Variants in POU6F2 observed in about 807,000 individuals in gnomAD.
POU6F2 encodes POU class 6 homeobox 2.
In POU6F2, 31 loss-of-function variants were observed where a neutral mutation model predicts 71.3. The ratio of observed to expected loss-of-function variants is 0.43; its 90% confidence interval spans 0.33 to 0.59. The LOEUF is 0.59. POU6F2 is among the 20% of genes least tolerant of loss of function. POU6F2 has a pLI of 0.04. For missense variants in POU6F2, 783 were observed against 856.8 expected (o/e 0.91, Z 1.07); for synonymous variants, 347 against 355.7 (o/e 0.98, Z 0.27).
At position 39,464,679 on chromosome 7, in the gene POU6F2, ACTC is replaced by A. The variant is rs1789028439; in HGVS notation, c.2159_2161del (p.Ser720del). 1.3e-6 allele frequency: 2 copies of A among 1,597,898 alleles called. No individual in the cohort carries two copies. The highest frequency in any genetic ancestry group is 1.1e-5 in the South Asian group (1 of 88,630). On this transcript the variant is annotated inframe_deletion, in exon 10 of 10. Coordinates refer to ENST00000518318, the MANE Select transcript of POU6F2 (RefSeq NM_001370959.1). This position sits in a 1 kb window ranked among gnomAD's most constrained non-coding sequence, Gnocchi z 4.1. ...CCCTTAACAGACTCTCTGGAAGAAA[ACTC>A]CTAAAGAGATGCCCACCCATAATCA...
chr7:39,256,933 T>C (rs1784036031), intron 4 of POU6F2, among the ~76,000 whole-genome samples: 1 of 152,218 alleles, frequency 6.6e-6, no homozygotes, highest in South Asian at 2.1e-4. Context: ...CATGTTTTAC[T>C]TCCAGAAATG....
At chr7:39,032,877 A>T (rs1434693215) in intron 1 of POU6F2, among the ~76,000 whole-genome samples, 6 of 152,166 alleles carry the variant, frequency 3.9e-5, no homozygotes, top group African/African-American at 1.4e-4. Flanking sequence ...TTTTCTCGTG[A>T]CACACATCTT....
intron 2 of POU6F2, among the ~76,000 whole-genome samples, chr7:39,093,121 G>T (rs1791388552): frequency 6.6e-6 from 1 of 151,918 alleles, no homozygotes; most frequent in South Asian, 2.1e-4. Context: ...TATGTAACAA[G>T]AATATATTGT....
intron 4 of POU6F2, among the ~76,000 whole-genome samples, chr7:39,247,409 C>A (rs1033319479): frequency 3.3e-5 from 5 of 151,994 alleles, no homozygotes; most frequent in Non-Finnish European, 7.4e-5. Context: ...CAAGATCTCA[C>A]CTCTGCACTC....
intron 2 of POU6F2, among the ~76,000 whole-genome samples, chr7:39,165,386 C>T (rs1793092529): frequency 6.6e-6 from 1 of 152,140 alleles, no homozygotes; most frequent in South Asian, 2.1e-4. Context: ...TTGTCTAAGA[C>T]AGTGATGCCT....
At chr7:39,101,446 A>ATT (rs34625792) in intron 2 of POU6F2, among the ~76,000 whole-genome samples, 2,109 of 141,724 alleles carry the variant, frequency 0.015, 46 homozygotes, top group African/African-American at 0.047. Context: ...TCTAGGCAAG[A>ATT]TTTTTTTTTT....
chr7:39,281,999 T>C (rs1411527486), intron 4 of POU6F2, among the ~76,000 whole-genome samples: 3 of 152,130 alleles, frequency 2.0e-5, no homozygotes. Flanking sequence ...TGGGGTGAAG[T>C]GGTATCTCAT....
chr7:39,305,433 T>TA (rs1193831400), intron 4 of POU6F2, among the ~76,000 whole-genome samples: 4 of 152,200 alleles, frequency 2.6e-5, no homozygotes, highest in Admixed American at 1.3e-4. Context: ...GTATTTTTTT[T>TA]AAAAAGTCAG....
At chr7:39,300,854 G>T (rs564223512) in intron 4 of POU6F2, among the ~76,000 whole-genome samples, 48 of 117,280 alleles carry the variant, frequency 4.1e-4, no homozygotes, top group Non-Finnish European at 8.0e-5. Flanking sequence ...TATTCTGAGA[G>T]TCCTGGGGGT....
At chr7:39,055,129 G>A (rs1014559693) in intron 1 of POU6F2, among the ~76,000 whole-genome samples, 3 of 152,124 alleles carry the variant, frequency 2.0e-5, no homozygotes, top group Non-Finnish European at 2.9e-5. Context: ...CGAAGTAGAC[G>A]TCAAAGTCAG....
Position 39,190,417 on chromosome 7 carries a change from TAAAAAAA to T in POU6F2, c.278-13795_278-13789del, listed in dbSNP as rs57872350. ...TTCCTTTTCCTCCTCCTCCTTTTCT[TAAAAAAA>T]AAAAAAAAAAAAAAAAAAAAAAGGT... On this transcript the variant is annotated intron_variant, in intron 2 of 9. Coordinates refer to ENST00000518318, the MANE Select transcript of POU6F2 (RefSeq NM_001370959.1). Among the ~76,000 whole-genome samples, 156 of 59,900 alleles carry T rather than the reference TAAAAAAA, an allele frequency of 2.6e-3. 1 individual carries two copies. The highest frequency in any genetic ancestry group is 0.011 in the African/African-American group (150 of 13,580). The allele number at this position is 59,900 out of a possible 152,430, so 39.3% of individuals were successfully genotyped here. A position where few individuals can be genotyped will look rare whatever the true frequency, so the allele number is the denominator to read the frequency against.
intron 1 of POU6F2, among the ~76,000 whole-genome samples, chr7:39,058,278 A>T (rs1464996937): frequency 6.6e-6 from 1 of 152,182 alleles, no homozygotes; most frequent in Admixed American, 6.6e-5. Context: ...GAGCCAGTCA[A>T]TGCCCCCGGA....
At chr7:39,114,828 A>C (rs1791896640) in intron 2 of POU6F2, among the ~76,000 whole-genome samples, 1 of 152,140 alleles carries the variant, frequency 6.6e-6, no homozygotes. Flanking sequence ...GGAGATTTTT[A>C]AATTTTATAA....
chr7:39,110,327 T>A (rs1018455815), intron 2 of POU6F2, among the ~76,000 whole-genome samples: 18 of 151,564 alleles, frequency 1.2e-4, no homozygotes, highest in Non-Finnish European at 2.2e-4. Flanking sequence ...TGAATTATAT[T>A]AAAAACAAAG....
intron 4 of POU6F2, among the ~76,000 whole-genome samples, chr7:39,208,318 G>T (rs1794065690): frequency 6.6e-6 from 1 of 152,158 alleles, no homozygotes; most frequent in South Asian, 2.1e-4. Flanking sequence ...TCTGTCAGAG[G>T]AGTAATTATT....
chr7:39,123,839 C>A (rs1022457776), intron 2 of POU6F2, among the ~76,000 whole-genome samples: 1 of 151,766 alleles, frequency 6.6e-6, no homozygotes, highest in African/African-American at 2.4e-5. Context: ...AACAACTTCA[C>A]ATATGTTAAG....
intron 1 of POU6F2, among the ~76,000 whole-genome samples, chr7:38,998,176 A>G (rs1397798657): frequency 2.0e-5 from 3 of 152,210 alleles, no homozygotes; most frequent in African/African-American, 7.2e-5. Context: ...CCCCTTTTCA[A>G]CAGTCATGTG....
At chr7:39,160,918 T>C (rs957665759) in intron 2 of POU6F2, among the ~76,000 whole-genome samples, 1 of 152,310 alleles carries the variant, frequency 6.6e-6, no homozygotes, top group East Asian at 1.9e-4. Flanking sequence ...CACAGTGTTT[T>C]GCACATAATA....
chr7:39,204,867 A>G (rs1793977691), intron 3 of POU6F2, among the ~76,000 whole-genome samples: 1 of 150,226 alleles, frequency 6.7e-6, no homozygotes, highest in African/African-American at 2.4e-5. Flanking sequence ...TGTGGGCTAT[A>G]TGGAGATGTA....
Sources: gnomAD v4.1 joint callset for allele counts (sites outside exome capture counted in the v4.1 genomes callset) on GRCh38, gnomAD v4.1.1 for gene constraint, Gnocchi (gnomAD v3.1) non-coding constraint, MANE v1.5 for transcripts, NCBI Gene and HGNC (gene_info 2026-07-23, HGNC 2026-07-21) for gene names.